ACSS3: variants seen among roughly 807,000 people sequenced by gnomAD.
The protein encoded by ACSS3 is acyl-CoA synthetase short-chain family member 3, mitochondrial.
In ACSS3, 64 loss-of-function variants were observed where a neutral mutation model predicts 84.2. The ratio of observed to expected loss-of-function variants is 0.76; its 90% CI spans 0.62 to 0.94. The LOEUF is 0.94. Among genes scored for constraint, ACSS3 ranks in the 40% least tolerant of loss-of-function variants. The probability of loss-of-function intolerance (pLI) is 0.00; values close to 1 mark genes in which losing one functional copy is unlikely to be tolerated. For missense variants in ACSS3, 815 were observed against 867.6 expected (o/e 0.94, Z 0.76); for synonymous variants, 317 against 310.1 (o/e 1.02, Z -0.23).
chr12:81,198,593 GA>G (rs199979349), intron 8 of ACSS3, among the ~76,000 whole-genome samples: 4,002 of 134,720 alleles, frequency 0.03, 154 homozygotes, highest in East Asian at 0.2. Flanking sequence ...ATTTGAAAAT[GA>G]AAAAAAAAAA....
At chr12:81,094,453 C>CAA in intron 1 of ACSS3, 1 of 152,304 alleles carries the variant, frequency 6.6e-6, no homozygotes. Context: ...ACAATTGACG[C>CAA]TCCCTGTGTA....
intron 8 of ACSS3, among the ~76,000 whole-genome samples, chr12:81,182,871 T>C (rs2031027694): frequency 6.6e-6 from 1 of 152,162 alleles, no homozygotes; most frequent in Non-Finnish European, 1.5e-5. Flanking sequence ...TATGCACATT[T>C]ATTTACCTAA....
chr12:81,217,750 C>T (rs998980003), intron 10 of ACSS3, among the ~76,000 whole-genome samples: 8 of 151,694 alleles, frequency 5.3e-5, no homozygotes, highest in East Asian at 3.9e-4. Flanking sequence ...GGCTGAGGCA[C>T]GAGAATTGCT....
intron 4 of ACSS3, among the ~76,000 whole-genome samples, chr12:81,140,456 A>G (rs918900895): frequency 6.6e-6 from 1 of 152,162 alleles, no homozygotes; most frequent in Non-Finnish European, 1.5e-5. Context: ...TAATTTATAG[A>G]ACTCTTGACA....
At chr12:81,098,151 A>AGAGAGAGTGTGTGT (rs369995298) in intron 1 of ACSS3, among the ~76,000 whole-genome samples, 1 of 129,272 alleles carries the variant, frequency 7.7e-6, no homozygotes, top group African/African-American at 3.0e-5. Flanking sequence ...AGAGAGAGAG[A>AGAGAGAGTGTGTGT]GTGTGTGTGT....
intron 7 of ACSS3, among the ~76,000 whole-genome samples, chr12:81,157,809 A>AAAAT (rs1886954333): frequency 1.3e-5 from 2 of 152,138 alleles, no homozygotes; most frequent in South Asian, 2.1e-4. Flanking sequence ...TCCCTCTCAA[A>AAAAT]AAATAAATAA....
rs1436269283 is a variant in ACSS3 at position 81,259,519 on chromosome 12, T to TC, written c.*4603dup. On this transcript the variant is annotated 3_prime_UTR_variant, in exon 16 of 16. Coordinates refer to ENST00000548058, the MANE Select transcript of ACSS3 (RefSeq NM_024560.4). ...AAACTAATCAAATGTAATATCTGAC[T>TC]CCCCCCAAAAATCACATTTTTCAGC... is the stretch of plus-strand genomic sequence containing the variant. 4.8e-5 allele frequency: 45 copies of TC among 941,998 alleles called. No individual in the cohort carries two copies. In the East Asian group the frequency reaches 1.1e-3, roughly 23 times the overall value. 58.4% of individuals were successfully genotyped at this position (941,998 alleles called of 1,614,324 possible). A position where few individuals can be genotyped will look rare whatever the true frequency, so the allele number is the denominator to read the frequency against.
chr12:81,150,910 A>G (rs1395847597), intron 5 of ACSS3, among the ~76,000 whole-genome samples: 2 of 152,172 alleles, frequency 1.3e-5, no homozygotes, highest in Non-Finnish European at 2.9e-5. Flanking sequence ...AGCAGTTATA[A>G]TTGTTGTACT....
At chr12:81,230,331 T>C (rs1018135626) in intron 11 of ACSS3, among the ~76,000 whole-genome samples, 1 of 151,866 alleles carries the variant, frequency 6.6e-6, no homozygotes, top group Non-Finnish European at 1.5e-5. Flanking sequence ...CACAGATAGA[T>C]ACATAGTTAG....
intron 9 of ACSS3, among the ~76,000 whole-genome samples, chr12:81,203,067 G>A (rs1400055695): frequency 6.6e-6 from 1 of 152,158 alleles, no homozygotes; most frequent in Non-Finnish European, 1.5e-5. Flanking sequence ...GCCTCAGAAT[G>A]AGGGAAGCCA....
At chr12:81,147,076 A>G (rs1593126566) in intron 5 of ACSS3, among the ~76,000 whole-genome samples, 1 of 152,162 alleles carries the variant, frequency 6.6e-6, no homozygotes, top group Admixed American at 6.5e-5. Context: ...TCTTGCAGTT[A>G]AAGTGCTGAA....
At chr12:81,080,986 G>A (rs1170416410) in intron 1 of ACSS3, among the ~76,000 whole-genome samples, 4 of 152,166 alleles carry the variant, frequency 2.6e-5, no homozygotes, top group South Asian at 2.1e-4. Flanking sequence ...AAAACAAGGC[G>A]AGATTGCTAT....
chr12:81,091,533 G>C (rs1228530763), intron 1 of ACSS3, among the ~76,000 whole-genome samples: 1 of 151,944 alleles, frequency 6.6e-6, no homozygotes, highest in Non-Finnish European at 1.5e-5. Flanking sequence ...TTCAAGAGCA[G>C]TCTGAAAATG....
In ACSS3 at chr12:81,145,152, G is replaced by A. The variant is rs941148341; in HGVS notation, c.921+1905G>A. On this transcript the variant is annotated intron_variant, in intron 5 of 15. Coordinates refer to ENST00000548058, the MANE Select transcript of ACSS3 (RefSeq NM_024560.4). Reference sequence around the variant, plus strand: ...AGGATGGTCCTAATCTCCTGACCTCGTGATCCACCCGCCTCGGCCTCCCAA... The same window carrying A: ...AGGATGGTCCTAATCTCCTGACCTCATGATCCACCCGCCTCGGCCTCCCAA... 3.3e-4 allele frequency among the ~76,000 whole-genome samples: 48 copies of A among 144,566 alleles called. 1 individual carries two copies. The highest frequency in any genetic ancestry group is 3.0e-5 in the Non-Finnish European group (2 of 67,200). The allele number at this position is 144,566 out of a possible 152,430, so 94.8% of individuals were successfully genotyped here.
chr12:81,137,911 A>T (rs1375051568), intron 3 of ACSS3, among the ~76,000 whole-genome samples: 1 of 152,020 alleles, frequency 6.6e-6, no homozygotes, highest in East Asian at 1.9e-4. Context: ...AGGCAGCTTG[A>T]TATGGTGGAA....
intron 2 of ACSS3, among the ~76,000 whole-genome samples, chr12:81,119,420 T>C (rs1239333302): frequency 1.3e-5 from 2 of 152,108 alleles, no homozygotes; most frequent in South Asian, 4.1e-4. Flanking sequence ...AGAGAACCGG[T>C]CTGACCTCAA....
chr12:81,109,705 G>A lies in ACSS3; in HGVS notation c.456+1G>A. The A allele has an allele frequency of 1.3e-6, 2 of 1,586,882 alleles. No individual in the cohort carries two copies. The highest frequency in any genetic ancestry group is 1.2e-5 in the South Asian group (1 of 84,662). ...TACCTATAAAGAAGTTCTGGAGCAGGTAATATCATAAACTTTATATATGTA... is the reference window on the plus strand; with the variant it reads ...TACCTATAAAGAAGTTCTGGAGCAGATAATATCATAAACTTTATATATGTA... On this transcript the variant is annotated splice_donor_variant, in intron 2 of 15. Transcript: ENST00000548058. LOFTEE classifies it high-confidence loss of function.
chr12:81,104,434 C>A (rs565546165), intron 1 of ACSS3, among the ~76,000 whole-genome samples: 11 of 152,118 alleles, frequency 7.2e-5, no homozygotes, highest in Non-Finnish European at 1.6e-4. Flanking sequence ...CCAGTAAAGA[C>A]CTGCTGGAGA....
At chr12:81,101,827 G>A (rs1005292025) in intron 1 of ACSS3, among the ~76,000 whole-genome samples, 1 of 150,814 alleles carries the variant, frequency 6.6e-6, no homozygotes, top group Non-Finnish European at 1.5e-5. Flanking sequence ...TGTTAATAAG[G>A]TTGAGCATCT....
Sources: gnomAD v4.1 joint callset for allele counts (sites outside exome capture counted in the v4.1 genomes callset) on GRCh38, gnomAD v4.1.1 for gene constraint, MANE v1.5 for transcripts, NCBI Gene and HGNC (gene_info 2026-07-23, HGNC 2026-07-21) for gene names.